Variants in LYRM4 observed in about 807,000 individuals in gnomAD.
The protein encoded by LYRM4 is LYR motif containing 4, also known as LYR motif-containing protein 4.
In LYRM4, 9 loss-of-function variants were observed where a neutral mutation model predicts 11.7. The ratio of observed to expected loss-of-function variants is 0.77; its 90% confidence interval spans 0.46 to 1.34. LYRM4 has a LOEUF of 1.34. Among genes scored for constraint, LYRM4 ranks in the 40% most tolerant of loss-of-function variants. The pLI is 0.00. For missense variants in LYRM4, 133 were observed against 112.5 expected (o/e 1.18, Z -0.82); for synonymous variants, 42 against 40.4 (o/e 1.04, Z -0.15).
intron 2 of LYRM4, among the ~76,000 whole-genome samples, chr6:5,157,044 C>T (rs1389390368): frequency 1.3e-5 from 2 of 152,146 alleles, no homozygotes; most frequent in African/African-American, 4.8e-5. Context: ...TCCAGAATTT[C>T]CCCCTTCGAG....
chr6:5,085,190 G>T, the LYRM4 span: 2 of 416,984 alleles, frequency 4.8e-6, no homozygotes, highest in South Asian at 9.6e-5. Context: ...GTGTCCCAGC[G>T]GCCGCGCCTC....
the LYRM4 span, among the ~76,000 whole-genome samples, chr6:5,096,582 G>C: frequency 6.6e-6 from 1 of 152,154 alleles, no homozygotes; most frequent in Admixed American, 6.6e-5. Flanking sequence ...GGCCTGTGTG[G>C]GGATGAGACA....
At chr6:5,214,597 C>T (rs1268586136) in intron 2 of LYRM4, among the ~76,000 whole-genome samples, 3 of 152,126 alleles carry the variant, frequency 2.0e-5, no homozygotes. Flanking sequence ...ACCCGGAGGA[C>T]AGGTCAGAAG....
chr6:5,203,295 T>A (rs1162955713), intron 2 of LYRM4, among the ~76,000 whole-genome samples: 2 of 152,212 alleles, frequency 1.3e-5, no homozygotes, highest in Non-Finnish European at 2.9e-5. Flanking sequence ...CACATGGGTA[T>A]GGAGGAAAAG....
intron 2 of LYRM4, among the ~76,000 whole-genome samples, chr6:5,158,073 A>G (rs1240779035): frequency 6.6e-6 from 1 of 152,254 alleles, no homozygotes. Context: ...AGAAAAGAAC[A>G]AAAGAAAAAA....
the LYRM4 span, among the ~76,000 whole-genome samples, chr6:5,082,994 G>T: frequency 1.3e-5 from 2 of 152,202 alleles, no homozygotes; most frequent in Admixed American, 6.5e-5. Flanking sequence ...GGCCACAGGG[G>T]CTGAGTTTGT....
At chr6:5,068,292 G>A in the LYRM4 span, among the ~76,000 whole-genome samples, 1 of 152,188 alleles carries the variant, frequency 6.6e-6, no homozygotes, top group South Asian at 2.1e-4. This position sits in a 1 kb window ranked among gnomAD's most constrained non-coding sequence, Gnocchi z 4.0. Context: ...AGGTAAACAT[G>A]GTGAAAGGTC....
chr6:5,193,535 C>T (rs1230499040), intron 2 of LYRM4, among the ~76,000 whole-genome samples: 2 of 152,108 alleles, frequency 1.3e-5, no homozygotes, highest in East Asian at 1.9e-4. Flanking sequence ...CTGTTTTGGT[C>T]TTTGAAAATG....
intron 1 of LYRM4, among the ~76,000 whole-genome samples, chr6:5,259,936 A>C (rs1159137839): frequency 6.6e-6 from 1 of 152,240 alleles, no homozygotes; most frequent in Non-Finnish European, 1.5e-5. Flanking sequence ...TAACAATAAA[A>C]GACTCATAGG....
At chr6:5,211,427 T>C (rs371535826) in intron 2 of LYRM4, among the ~76,000 whole-genome samples, 2 of 152,224 alleles carry the variant, frequency 1.3e-5, no homozygotes, top group East Asian at 3.9e-4. Context: ...TTACTTTGCT[T>C]AGCGATCTAC....
intron 2 of LYRM4, among the ~76,000 whole-genome samples, chr6:5,178,804 C>CA (rs56880549): frequency 0.3 from 9,112 of 29,966 alleles, 3,838 homozygotes; most frequent in Admixed American, 0.41. Flanking sequence ...GACTCTGTCT[C>CA]AAAAAAAAAA....
intron 2 of LYRM4, among the ~76,000 whole-genome samples, chr6:5,172,192 G>T (rs1052026797): frequency 4.6e-5 from 7 of 152,152 alleles, no homozygotes; most frequent in Admixed American, 4.6e-4. Context: ...AAACCCTAGG[G>T]TGGCAGCTGA....
chr6:5,045,500 T>C, the LYRM4 span, among the ~76,000 whole-genome samples: 1 of 152,146 alleles, frequency 6.6e-6, no homozygotes, highest in African/African-American at 2.4e-5. Flanking sequence ...GGTACAGAGT[T>C]TCAGTTTGGG....
rs531992135 is a variant in LYRM4 at position 5,138,805 on chromosome 6, G to C, written c.208-29314C>G. ...AGTTAACAGAAAGAAAGAGTTCTTT[G>C]GGATTTCAAACAGAAGCAAGTGCTA... On this transcript the variant is annotated intron_variant, in intron 2 of 2. Coordinates refer to ENST00000330636, the MANE Select transcript of LYRM4 (RefSeq NM_020408.6). 4.2e-5 allele frequency: 53 copies of C among 1,259,230 alleles called. No individual in the cohort carries two copies. In the Middle Eastern group the frequency reaches 1.3e-3, roughly 31 times the overall value. The allele number at this position is 1,259,230 out of a possible 1,614,324, so 78.0% of individuals were successfully genotyped here.
chr6:5,168,508 C>A (rs946198748), intron 2 of LYRM4, among the ~76,000 whole-genome samples: 2 of 152,152 alleles, frequency 1.3e-5, no homozygotes, highest in Non-Finnish European at 2.9e-5. Flanking sequence ...GACTGCAGGA[C>A]ACCTGGCTTG....
chr6:5,235,448 C>G (rs1204169662), intron 1 of LYRM4, among the ~76,000 whole-genome samples: 1 of 152,088 alleles, frequency 6.6e-6, no homozygotes, highest in Non-Finnish European at 1.5e-5. Flanking sequence ...TAGACTAATA[C>G]AGTATTCATT....
chr6:5,221,735 T>C (rs1454096635), intron 1 of LYRM4, among the ~76,000 whole-genome samples: 1 of 152,230 alleles, frequency 6.6e-6, no homozygotes, highest in Non-Finnish European at 1.5e-5. Flanking sequence ...GTGCTCATGA[T>C]GACCAATACT....
intron 2 of LYRM4, among the ~76,000 whole-genome samples, chr6:5,148,834 T>C (rs1284320643): frequency 6.6e-6 from 1 of 152,210 alleles, no homozygotes; most frequent in Non-Finnish European, 1.5e-5. Flanking sequence ...AATATACATA[T>C]AAAAATTACC....
intron 1 of LYRM4, among the ~76,000 whole-genome samples, chr6:5,231,890 T>C (rs1475509153): frequency 6.6e-6 from 1 of 152,244 alleles, no homozygotes; most frequent in Non-Finnish European, 1.5e-5. Flanking sequence ...CATTACATAA[T>C]TTATTTCTAT....
Sources: allele counts gnomAD v4.1 joint callset (sites outside exome capture counted in the v4.1 genomes callset), GRCh38; gene constraint gnomAD v4.1.1; non-coding constraint Gnocchi (gnomAD v3.1); transcripts MANE v1.5; gene names NCBI Gene and HGNC (gene_info 2026-07-23, HGNC 2026-07-21).